The following CASK variants were observed in gnomAD, a reference collection of about 807,000 sequenced individuals.
CASK encodes the protein calcium/calmodulin dependent serine protein kinase.
CASK carries 4 observed loss-of-function variants against 82.9 expected under a neutral mutation model. The observed-to-expected ratio is 0.05, with a 90% confidence interval of 0.02 to 0.11. The LOEUF is 0.11. Ranked by LOEUF, CASK falls within the 10% of genes least tolerant of loss-of-function variation. CASK has a pLI of 1.00. For missense variants in CASK, 358 were observed against 720.9 expected (o/e 0.50, Z 5.76); for synonymous variants, 259 against 253.5 (o/e 1.02, Z -0.20).
At chrX:41,558,396 A>G (rs1170742063) in intron 18 of CASK, 1 of 105,029 alleles carries the variant, frequency 9.5e-6, no homozygotes, top group Admixed American at 1.0e-4. Context: ...TCGACCATTT[A>G]AAAAAAAAAA....
In CASK at chrX:41,829,624, GGGGT is replaced by G. The variant is rs200472529; in HGVS notation, c.172+23487_172+23490del. Among the ~76,000 whole-genome samples the G allele has an allele frequency of 2.1e-3, 55 of 26,347 alleles. 18 individuals are homozygous for G. Among genetic ancestry groups the G allele is most frequent in the African/African-American group, 7.9e-3 (51 of 6,418 alleles). 22.9% of individuals were successfully genotyped at this position (26,347 alleles called of 115,157 possible). Reference sequence around the variant, plus strand: ...TGTTTTTGTTTTTTTTTTTTTTGGGGGGGTGGGGGTGAACATATGTTAAGACATT... The same window carrying G: ...TGTTTTTGTTTTTTTTTTTTTTGGGGGGGGGTGAACATATGTTAAGACATT... On this transcript the variant is annotated intron_variant, in intron 2 of 26. Coordinates refer to ENST00000378163, the MANE Select transcript of CASK (RefSeq NM_001367721.1).
chrX:41,529,470 G>A, intron 25 of CASK: 1 of 138,570 alleles, frequency 7.2e-6, no homozygotes. Context: ...GTGGACTTAG[G>A]TAATGCAGAG....
intron 2 of CASK, among the ~76,000 whole-genome samples, chrX:41,791,433 T>G (rs2069716270): frequency 9.1e-6 from 1 of 110,343 alleles, no homozygotes. Context: ...CTTAGAATAA[T>G]GGTCTCCAGC....
chrX:41,520,050 C>T lies in CASK; in HGVS notation c.*370G>A, dbSNP rs1382143472. 1 of 124,783 alleles carries T rather than the reference C, an allele frequency of 8.0e-6. No individual in the cohort carries two copies. The highest frequency in any genetic ancestry group is 3.2e-5 in the African/African-American group (1 of 31,040). The allele number at this position is 124,783 out of a possible 1,213,427, so 10.3% of individuals were successfully genotyped here. A position where few individuals can be genotyped will look rare whatever the true frequency, so the allele number is the denominator to read the frequency against. ...CCACCCCCAGTCAAGGTAACAGAAT[C>T]ATTGTTTATTATTATTAAAATAGAT... On this transcript the variant is annotated 3_prime_UTR_variant, in exon 27 of 27. Transcript: ENST00000378163.
intron 4 of CASK, among the ~76,000 whole-genome samples, chrX:41,745,086 C>T (rs1018659262): frequency 8.9e-6 from 1 of 112,037 alleles, no homozygotes; most frequent in African/African-American, 3.2e-5. Context: ...AGCGCAATCT[C>T]GGCTCACTGC....
intron 5 of CASK, among the ~76,000 whole-genome samples, chrX:41,708,784 G>C (rs897823436): frequency 9.0e-6 from 1 of 111,440 alleles, no homozygotes; most frequent in Non-Finnish European, 1.9e-5. Context: ...TGCTGGCCAA[G>C]GCACTATTAA....
rs765513349 is a variant in CASK at position 41,909,616 on chromosome X, T to G, written c.59+13314A>C. 3.1e-3 allele frequency among the ~76,000 whole-genome samples: 331 copies of G among 106,202 alleles called. 4 individuals are homozygous for G. The highest frequency in any genetic ancestry group is 5.5e-3 in the Non-Finnish European group (281 of 51,026). 92.2% of individuals were successfully genotyped at this position (106,202 alleles called of 115,157 possible). A position where few individuals can be genotyped will look rare whatever the true frequency, so the allele number is the denominator to read the frequency against. On this transcript the variant is annotated intron_variant, in intron 1 of 26. Coordinates refer to ENST00000378163, the MANE Select transcript of CASK (RefSeq NM_001367721.1). ...CAACAAAGCCCATGTTCTTGTTTTGTTTTTTTTTTTCTTAGTCTCGCTCTA... is the reference window on the plus strand; with the variant it reads ...CAACAAAGCCCATGTTCTTGTTTTGGTTTTTTTTTTCTTAGTCTCGCTCTA...
chrX:41,702,424 A>C (rs936622662), intron 5 of CASK, among the ~76,000 whole-genome samples: 10 of 109,764 alleles, frequency 9.1e-5, no homozygotes, highest in Non-Finnish European at 1.3e-4. Flanking sequence ...ATAAAATAAA[A>C]AAACATAAAT....
At chrX:41,847,426 T>C (rs2071177471) in intron 2 of CASK, among the ~76,000 whole-genome samples, 1 of 111,920 alleles carries the variant, frequency 8.9e-6, no homozygotes, top group Admixed American at 9.5e-5. Flanking sequence ...ATTTTTCAAT[T>C]CCAGAATTTT....
intron 3 of CASK, among the ~76,000 whole-genome samples, chrX:41,765,018 G>A (rs771966179): frequency 1.6e-4 from 18 of 112,186 alleles, no homozygotes; most frequent in Non-Finnish European, 2.6e-4. Flanking sequence ...GAGCAAGTAT[G>A]TTTTTTATAT....
chrX:41,695,490 C>T, intron 5 of CASK: 1 of 457,807 alleles, frequency 2.2e-6, no homozygotes. Flanking sequence ...CTATTATTTA[C>T]ACTTTTAGTT....
chrX:41,591,115 A>C (rs1602312915), intron 12 of CASK, among the ~76,000 whole-genome samples: 1 of 111,906 alleles, frequency 8.9e-6, no homozygotes, highest in African/African-American at 3.2e-5. Flanking sequence ...GCTCGTCCAC[A>C]AAAGTTTGCC....
intron 12 of CASK, among the ~76,000 whole-genome samples, chrX:41,600,040 T>G (rs768609003): frequency 8.9e-6 from 1 of 112,041 alleles, no homozygotes; most frequent in Non-Finnish European, 1.9e-5. Context: ...TTGGCTCTTC[T>G]TAAGCAACTA....
At chrX:41,718,418 C>T (rs1356012948) in intron 5 of CASK, among the ~76,000 whole-genome samples, 1 of 112,785 alleles carries the variant, frequency 8.9e-6, no homozygotes, top group African/African-American at 3.2e-5. Context: ...GGGCTTGCCA[C>T]TGGCATCTGA....
chrX:41,863,688 T>A (rs961931230), intron 1 of CASK, among the ~76,000 whole-genome samples: 1 of 112,288 alleles, frequency 8.9e-6, no homozygotes, highest in Non-Finnish European at 1.9e-5. Flanking sequence ...AAATATTTAG[T>A]AGAGAAACAA....
chrX:41,815,604 T>A (rs929790734), intron 2 of CASK, among the ~76,000 whole-genome samples: 14 of 111,125 alleles, frequency 1.3e-4, no homozygotes, highest in Non-Finnish European at 2.3e-4. Context: ...AGTATAAAAT[T>A]AAAATACAGA....
At chrX:41,760,790 A>G (rs1468362867) in intron 3 of CASK, among the ~76,000 whole-genome samples, 1 of 111,644 alleles carries the variant, frequency 9.0e-6, no homozygotes. Context: ...AAAAAAAATT[A>G]TTATACAAAT....
At chrX:41,898,318 T>C (rs1230599211) in intron 1 of CASK, among the ~76,000 whole-genome samples, 1 of 111,908 alleles carries the variant, frequency 8.9e-6, no homozygotes, top group East Asian at 2.8e-4. Context: ...GTCTCTTTTA[T>C]TTATAATTTT....
At position 41,739,770 on chromosome X, in the gene CASK, C is replaced by T. The variant is rs2068563608; in HGVS notation, c.357-314G>A. Among the ~76,000 whole-genome samples the T allele has an allele frequency of 4.5e-5, 5 of 112,020 alleles. No homozygotes were observed. The South Asian group carries it at 1.8e-3, about 41-fold the overall frequency. On this transcript the variant is annotated intron_variant, in intron 4 of 26. Transcript: ENST00000378163. ...AGCTTAAAACATGACAATTTTTTTC[C>T]CCAATACTCAGGTAATTCTACTTAA...
Sources: gnomAD v4.1 joint callset for allele counts (sites outside exome capture counted in the v4.1 genomes callset) on GRCh38, gnomAD v4.1.1 for gene constraint, MANE v1.5 for transcripts, NCBI Gene and HGNC (gene_info 2026-07-23, HGNC 2026-07-21) for gene names.